BSPH1: variants seen among roughly 807,000 people sequenced by gnomAD.
BSPH1 encodes the protein binder of sperm 1.
BSPH1 carries 21 observed loss-of-function variants against 22.5 expected under a neutral mutation model. The observed-to-expected ratio is 0.93, with a 90% CI of 0.66 to 1.35. The LOEUF (loss-of-function observed/expected upper bound fraction) is 1.35. BSPH1 is among the 40% of genes most tolerant of loss of function. The probability of loss-of-function intolerance (pLI) is 0.00; values close to 1 mark genes in which losing one functional copy is unlikely to be tolerated. For synonymous variants in BSPH1, 42 were observed against 53.6 expected, an observed-to-expected ratio of 0.78 and a Z score of 0.95; for missense variants, 141 against 154.2, an observed-to-expected ratio of 0.91 and a Z score of 0.45.
At chr19:47,979,849 T>C (rs1438850410) in intron 2 of BSPH1, among the ~76,000 whole-genome samples, 1 of 151,286 alleles carries the variant, frequency 6.6e-6, no homozygotes, top group East Asian at 1.9e-4. Flanking sequence ...TCCAAAGTGC[T>C]TTTTTTTGGT....
chr19:47,980,935 A>G lies in BSPH1; in HGVS notation c.80T>C (p.Leu27Ser). Reference protein sequence around the residue: ...ACIFPVILNELSSTVETITHF... With the variant: ...ACIFPVILNESSSTVETITHF... ...GATCAACTCACCCACAGTTGATGAT[A>G]ATTCATCTGAAAAACACAATTTTGA... Residue 27 changes from leucine to serine, a missense_variant, in exon 2 of 6, where the codon TTA (leucine) becomes TCA (serine). By Grantham distance (145) the Leu-to-Ser change is moderately radical. Coordinates refer to ENST00000344839, the MANE Select transcript of BSPH1 (RefSeq NM_001128326.2). 6.9e-7 allele frequency: 1 copy of G among 1,450,968 alleles called. No individual in the cohort carries two copies. Among genetic ancestry groups the G allele is most frequent in the Non-Finnish European group, 9.2e-7 (1 of 1,084,834 alleles). 89.9% of individuals were successfully genotyped at this position (1,450,968 alleles called of 1,614,324 possible).
At chr19:47,971,377 C>A (rs1220086478) in intron 5 of BSPH1, among the ~76,000 whole-genome samples, 1 of 152,020 alleles carries the variant, frequency 6.6e-6, no homozygotes, top group Non-Finnish European at 1.5e-5. Context: ...AGCTAGTTTT[C>A]GTATTTTTAG....
At chr19:47,991,504 C>T (rs1966873363) in intron 1 of BSPH1, among the ~76,000 whole-genome samples, 1 of 144,982 alleles carries the variant, frequency 6.9e-6, no homozygotes, top group Admixed American at 6.9e-5. Context: ...TCTCCTCCTC[C>T]TCCCCCTCCT....
intron 2 of BSPH1, 115 bp downstream of exon 2, chr19:47,980,806 G>A (rs1268593327): frequency 4.7e-6 from 3 of 633,268 alleles, no homozygotes; most frequent in African/African-American, 2.0e-5. Context: ...ACATAAAATA[G>A]TAATCTTTAA....
intron 1 of BSPH1, chr19:47,981,627 C>T (rs1250818897): frequency 2.7e-6 from 1 of 374,436 alleles, no homozygotes; most frequent in Non-Finnish European, 3.7e-6. Context: ...ACGGCCCAAA[C>T]CCTGGCACAG....
At position 47,980,925 on chromosome 19, in the gene BSPH1, A is replaced by C; in HGVS notation, c.90T>G (p.Thr30=). 1 of 1,461,914 alleles carries C rather than the reference A, an allele frequency of 6.8e-7. No individual in the cohort carries two copies. The highest frequency in any genetic ancestry group is 9.2e-7 in the Non-Finnish European group (1 of 1,091,688). 90.6% of individuals were successfully genotyped at this position (1,461,914 alleles called of 1,614,324 possible). ...AAAGTTTTTTGATCAACTCACCCAC[A>C]GTTGATGATAATTCATCTGAAAAAC... ...FPVILNELSS[T]VETITHFPEV... is the part of the protein sequence containing the mutation. Residue 30 remains threonine, a synonymous_variant, in exon 2 of 6, where the codon ACT becomes ACG. Transcript: ENST00000344839.
At chr19:47,987,979 G>A (rs770008197) in intron 1 of BSPH1, among the ~76,000 whole-genome samples, 1 of 152,068 alleles carries the variant, frequency 6.6e-6, no homozygotes, top group Admixed American at 6.6e-5. Flanking sequence ...CTGGGTGACA[G>A]AGTGAGCCCT....
At chr19:47,988,685 G>A (rs1969494281) in intron 1 of BSPH1, among the ~76,000 whole-genome samples, 1 of 152,074 alleles carries the variant, frequency 6.6e-6, no homozygotes, top group African/African-American at 2.4e-5. Context: ...CAGTCCTACC[G>A]CACCAAAGCC....
chr19:47,971,055 T>C (rs1278758675), intron 5 of BSPH1, among the ~76,000 whole-genome samples: 1 of 152,170 alleles, frequency 6.6e-6, no homozygotes, highest in Admixed American at 6.5e-5. Context: ...CACCAATGGA[T>C]TCAGCAGTGG....
intron 1 of BSPH1, among the ~76,000 whole-genome samples, chr19:47,991,776 C>T (rs1966875125): frequency 1.0e-5 from 1 of 97,654 alleles, no homozygotes; most frequent in South Asian, 4.1e-4. Context: ...TCTTCACCTC[C>T]TCCCCCCTTC....
At chr19:47,985,528 A>G (rs145159181) in intron 1 of BSPH1, among the ~76,000 whole-genome samples, 8 of 152,170 alleles carry the variant, frequency 5.3e-5, no homozygotes, top group South Asian at 2.1e-4. Flanking sequence ...TAAAGAGAGG[A>G]AGCACATTAG....
In BSPH1 at chr19:47,976,715, T is replaced by C; in HGVS notation, c.396A>G (p.Glu132=). The change falls in exon 5 of 6, where the codon GAA becomes GAG. Residue 132 remains glutamate, a synonymous_variant. Coordinates refer to ENST00000344839, the MANE Select transcript of BSPH1 (RefSeq NM_001128326.2). ...CCTCCCCTGGTAAATCTCACCATCA[T>C]TCACAGTATTTCCAAATTCGGTCCT... is the stretch of plus-strand genomic sequence containing the variant. ...FNKDRIWKYC[E] 1 of 1,551,620 alleles carries C rather than the reference T, an allele frequency of 6.4e-7. No homozygotes were observed. Among genetic ancestry groups the C allele is most frequent in the Non-Finnish European group, 8.7e-7 (1 of 1,146,810 alleles).
At chr19:47,986,893 G>A (rs970376008) in intron 1 of BSPH1, among the ~76,000 whole-genome samples, 1 of 152,206 alleles carries the variant, frequency 6.6e-6, no homozygotes, top group East Asian at 1.9e-4. Context: ...GGAGCTCAGA[G>A]GCAGAAACTA....
chr19:47,980,437 AAT>A, intron 2 of BSPH1: 1 of 500,318 alleles, frequency 2.0e-6, no homozygotes, highest in African/African-American at 2.1e-5. Context: ...CCAAAAGTAA[AAT>A]TAACAGTAAA....
intron 1 of BSPH1, among the ~76,000 whole-genome samples, chr19:47,991,263 G>A (rs1379861331): frequency 1.3e-5 from 2 of 152,004 alleles, no homozygotes; most frequent in Non-Finnish European, 2.9e-5. Flanking sequence ...CCATGTGCCG[G>A]GCCATGCTCC....
rs1409021147 is a variant in BSPH1, at chr19:47,992,131, C to G, written c.-50G>C. 10 of 1,476,918 alleles carry G rather than the reference C, an allele frequency of 6.8e-6. No individual in the cohort carries two copies. The East Asian group carries it at 2.5e-4, about 37-fold the overall frequency. 91.5% of individuals were successfully genotyped at this position (1,476,918 alleles called of 1,614,324 possible). On this transcript the variant is annotated 5_prime_UTR_variant, in exon 1 of 6. Coordinates refer to ENST00000344839, the MANE Select transcript of BSPH1 (RefSeq NM_001128326.2). Reference sequence around the variant, plus strand: ...CTCAGATCTTCCTGGTCTTTGTCAGCCAGGGCTCAAGAATCCCCTGGAGAG... The same window carrying G: ...CTCAGATCTTCCTGGTCTTTGTCAGGCAGGGCTCAAGAATCCCCTGGAGAG...
downstream of BSPH1, among the ~76,000 whole-genome samples, chr19:47,967,303 G>T (rs1053566146): frequency 5.3e-5 from 8 of 152,190 alleles, no homozygotes; most frequent in African/African-American, 9.7e-5. Flanking sequence ...TTGCTGCAAA[G>T]GATACGATTT....
chr19:47,973,239 TAA>T (rs1568395403), intron 5 of BSPH1, among the ~76,000 whole-genome samples: 7 of 119,118 alleles, frequency 5.9e-5, no homozygotes, highest in African/African-American at 2.2e-4. Context: ...ATAATAATAA[TAA>T]TAATAATAAT....
chr19:47,986,185 G>T (rs965176335), intron 1 of BSPH1, among the ~76,000 whole-genome samples: 2 of 152,172 alleles, frequency 1.3e-5, no homozygotes, highest in African/African-American at 4.8e-5. Context: ...TTCTTGTTTG[G>T]GTTCAAGAGC....
Sources: allele counts gnomAD v4.1 joint callset (sites outside exome capture counted in the v4.1 genomes callset), GRCh38; gene constraint gnomAD v4.1.1; transcripts MANE v1.5; gene names NCBI Gene and HGNC (gene_info 2026-07-23, HGNC 2026-07-21).